Variants in CCDC178 observed in about 807,000 individuals in gnomAD.
CCDC178 encodes the protein coiled-coil domain-containing protein 178.
A neutral mutation model predicts 117.4 loss-of-function variants in CCDC178; 126 were observed. The observed-to-expected ratio is 1.07, with a 90% confidence interval of 0.93 to 1.24. The LOEUF (loss-of-function observed/expected upper bound fraction) is 1.24. Ranked by LOEUF, CCDC178 falls within the 50% of genes most tolerant of loss-of-function variation. The pLI is 0.00. For synonymous variants in CCDC178, 283 were observed against 313.4 expected (o/e 0.90, Z 1.02); for missense variants, 1,030 against 986.9 (o/e 1.04, Z -0.59).
intron 21 of CCDC178, among the ~76,000 whole-genome samples, chr18:33,046,064 T>A (rs1476401722): frequency 2.0e-5 from 3 of 152,188 alleles, no homozygotes; most frequent in African/African-American, 7.2e-5. Flanking sequence ...GGAGACTCCA[T>A]CTCAAAATAA....
intron 9 of CCDC178, among the ~76,000 whole-genome samples, chr18:33,343,001 C>G (rs1599191095): frequency 6.6e-6 from 1 of 152,144 alleles, no homozygotes; most frequent in Non-Finnish European, 1.5e-5. Context: ...TTCTGTCTCA[C>G]CCCCTGGGGT....
intron 2 of CCDC178, among the ~76,000 whole-genome samples, chr18:33,416,170 G>T (rs879736323): frequency 6.6e-5 from 10 of 152,220 alleles, no homozygotes; most frequent in Admixed American, 6.5e-4. Context: ...GCTCACGCCT[G>T]TAATCCCAGC....
chr18:33,392,449 T>A (rs2063576368), intron 4 of CCDC178, among the ~76,000 whole-genome samples: 2 of 152,208 alleles, frequency 1.3e-5, no homozygotes, highest in South Asian at 4.1e-4. Context: ...TGACTGAGTC[T>A]CAATGACTCC....
intron 11 of CCDC178, among the ~76,000 whole-genome samples, chr18:33,310,546 C>G (rs1428366096): frequency 6.6e-6 from 1 of 151,886 alleles, no homozygotes; most frequent in Non-Finnish European, 1.5e-5. Flanking sequence ...ATTAGCCAGG[C>G]ATAGTGGCAC....
At chr18:33,085,355 G>C (rs971471600) in intron 21 of CCDC178, among the ~76,000 whole-genome samples, 1 of 152,020 alleles carries the variant, frequency 6.6e-6, no homozygotes, top group Non-Finnish European at 1.5e-5. Flanking sequence ...CGAGGTCAGG[G>C]GATCGAGACC....
At chr18:33,157,522 T>A (rs1406040227) in intron 20 of CCDC178, among the ~76,000 whole-genome samples, 1 of 152,186 alleles carries the variant, frequency 6.6e-6, no homozygotes, top group African/African-American at 2.4e-5. Flanking sequence ...AAGTCACTTT[T>A]AATATTATAA....
chr18:33,328,081 AG>A (rs2062609221), intron 10 of CCDC178: 1 of 233,612 alleles, frequency 4.3e-6, no homozygotes. Flanking sequence ...ATTTATCCCT[AG>A]ATTTTTTTTT....
chr18:33,348,859 A>ATG, intron 8 of CCDC178, 31 bp downstream of exon 8: 1 of 1,348,620 alleles, frequency 7.4e-7, no homozygotes, highest in Non-Finnish European at 1.1e-6. Flanking sequence ...TTAAATATAT[A>ATG]CAGTTATTCA....
At chr18:33,151,586 G>A (rs1158518413) in intron 20 of CCDC178, among the ~76,000 whole-genome samples, 1 of 152,076 alleles carries the variant, frequency 6.6e-6, no homozygotes, top group Admixed American at 6.5e-5. Flanking sequence ...CAACAAAGAG[G>A]ATGAAAAACA....
intron 21 of CCDC178, among the ~76,000 whole-genome samples, chr18:32,982,854 G>A (rs185661146): frequency 9.9e-5 from 15 of 152,152 alleles, no homozygotes; most frequent in Admixed American, 3.9e-4. Flanking sequence ...TTTTTAGGGC[G>A]GTGAAAATAT....
chr18:33,340,530 G>A (rs560979111), intron 9 of CCDC178, among the ~76,000 whole-genome samples: 1 of 152,186 alleles, frequency 6.6e-6, no homozygotes, highest in Non-Finnish European at 1.5e-5. Flanking sequence ...ACACCTTCAT[G>A]GCAGACCCTC....
chr18:33,176,068 A>C (rs72945364), intron 20 of CCDC178, among the ~76,000 whole-genome samples: 23,441 of 150,638 alleles, frequency 0.16, 2,178 homozygotes, highest in East Asian at 0.35. Flanking sequence ...CCTTCCACAC[A>C]CCCCCTCCTC....
chr18:33,036,210 G>A (rs905816122), intron 21 of CCDC178, among the ~76,000 whole-genome samples: 3 of 151,788 alleles, frequency 2.0e-5, no homozygotes, highest in African/African-American at 7.3e-5. Context: ...GTTAAAGATA[G>A]TAATATGTAG....
intron 15 of CCDC178, among the ~76,000 whole-genome samples, chr18:33,241,870 T>C (rs2059491723): frequency 6.6e-6 from 1 of 151,758 alleles, no homozygotes; most frequent in African/African-American, 2.4e-5. Flanking sequence ...TTCAATGCAA[T>C]TCCTATAAAA....
chr18:33,064,781 C>G (rs2056982562), intron 21 of CCDC178, among the ~76,000 whole-genome samples: 2 of 152,058 alleles, frequency 1.3e-5, no homozygotes, highest in African/African-American at 4.8e-5. Context: ...TATGGCAGCA[C>G]TATTTACAAT....
chr18:33,102,319 C>A (rs1461937142), intron 20 of CCDC178, among the ~76,000 whole-genome samples: 1 of 151,096 alleles, frequency 6.6e-6, no homozygotes, highest in Non-Finnish European at 1.5e-5. Flanking sequence ...AATTGCAGAA[C>A]CCTTAAGATT....
intron 2 of CCDC178, among the ~76,000 whole-genome samples, chr18:33,431,340 G>C (rs1218583581): frequency 6.6e-6 from 1 of 151,492 alleles, no homozygotes; most frequent in Non-Finnish European, 1.5e-5. Flanking sequence ...TAGAATATCT[G>C]AATTAGGCAT....
At chr18:33,004,768 G>T (rs2055714629) in intron 21 of CCDC178, among the ~76,000 whole-genome samples, 1 of 151,876 alleles carries the variant, frequency 6.6e-6, no homozygotes. Context: ...AACTCTATAG[G>T]ACAAAGCTGA....
At chr18:33,340,207 G>C (rs1341832715) in intron 9 of CCDC178, among the ~76,000 whole-genome samples, 1 of 152,156 alleles carries the variant, frequency 6.6e-6, no homozygotes, top group African/African-American at 2.4e-5. Flanking sequence ...TTAGCAAAGA[G>C]ACTGGTGGCA....
Sources: gnomAD v4.1 joint callset for allele counts (sites outside exome capture counted in the v4.1 genomes callset) on GRCh38, gnomAD v4.1.1 for gene constraint, MANE v1.5 for transcripts, NCBI Gene and HGNC (gene_info 2026-07-23, HGNC 2026-07-21) for gene names.